The following FGF14 variants were observed in gnomAD, a reference collection of about 807,000 sequenced individuals.
FGF14 encodes fibroblast growth factor homologous factor 4.
In FGF14, 5 loss-of-function variants were observed where a neutral mutation model predicts 25.5. The observed-to-expected ratio is 0.20, with a 90% confidence interval of 0.10 to 0.41. FGF14 has a LOEUF of 0.41. FGF14 is among the 10% of genes least tolerant of loss of function. FGF14 has a pLI of 1.00. For synonymous variants in FGF14, 138 were observed against 118.3 expected (o/e 1.17, Z -1.08); for missense variants, 222 against 320.1 (o/e 0.69, Z 2.34).
At chr13:101,749,863 T>C (rs2037157784) in intron 3 of FGF14, among the ~76,000 whole-genome samples, 1 of 152,096 alleles carries the variant, frequency 6.6e-6, no homozygotes, top group African/African-American at 2.4e-5. Flanking sequence ...TGATCTGACA[T>C]GTTTGTGTCC....
chr13:101,838,500 G>C (rs1174233779), intron 3 of FGF14, among the ~76,000 whole-genome samples: 2 of 152,174 alleles, frequency 1.3e-5, no homozygotes, highest in Middle Eastern at 3.4e-3. Flanking sequence ...ATATTTGAAA[G>C]AGAATTGCTG....
intron 1 of FGF14, among the ~76,000 whole-genome samples, chr13:102,061,472 C>A (rs1451447998): frequency 1.3e-5 from 2 of 152,212 alleles, no homozygotes; most frequent in Admixed American, 1.3e-4. Flanking sequence ...AGGGAAAACT[C>A]CTCCCATTTC....
chr13:102,393,860 G>A (rs2058495750), intron 1 of FGF14: 1 of 152,168 alleles, frequency 6.6e-6, no homozygotes, highest in South Asian at 2.1e-4. Context: ...GTTTGTGATC[G>A]CTAAGGTCAA....
chr13:102,159,709 T>A (rs2047534675), intron 1 of FGF14, among the ~76,000 whole-genome samples: 1 of 152,216 alleles, frequency 6.6e-6, no homozygotes, highest in Non-Finnish European at 1.5e-5. Flanking sequence ...ACAGTAGAAT[T>A]TAACATGCAT....
rs145554812 is a variant in FGF14 at position 102,137,837 on chromosome 13, G to T, written c.209-262541C>A. On this transcript the variant is annotated intron_variant, in intron 1 of 4. Transcript: ENST00000376131. ...AAGGCTTTGTCTGAAAAGAATGATG[G>T]TCTCATTGCCAATCAATGAAAAGGA... Among the ~76,000 whole-genome samples the T allele has an allele frequency of 1.8e-3, 269 of 151,500 alleles. 1 individual carries two copies. Among genetic ancestry groups the T allele is most frequent in the Non-Finnish European group, 2.6e-3 (174 of 67,842 alleles).
chr13:102,274,255 A>G (rs1224209787), intron 1 of FGF14, among the ~76,000 whole-genome samples: 4 of 152,200 alleles, frequency 2.6e-5, no homozygotes, highest in African/African-American at 9.6e-5. Flanking sequence ...ACTTAATACA[A>G]TAACATCACT....
intron 1 of FGF14, among the ~76,000 whole-genome samples, chr13:101,976,300 A>G (rs903022802): frequency 6.6e-6 from 1 of 152,188 alleles, no homozygotes; most frequent in Non-Finnish European, 1.5e-5. Flanking sequence ...AATATATAAC[A>G]GTTACACTTA....
intron 1 of FGF14, among the ~76,000 whole-genome samples, chr13:102,220,626 G>C (rs550509291): frequency 1.3e-5 from 2 of 152,160 alleles, no homozygotes; most frequent in Non-Finnish European, 2.9e-5. Flanking sequence ...TCACGTTCTT[G>C]CTTTAAAATA....
At chr13:101,895,472 T>C (rs886883738) in intron 1 of FGF14, among the ~76,000 whole-genome samples, 1 of 152,118 alleles carries the variant, frequency 6.6e-6, no homozygotes, top group Non-Finnish European at 1.5e-5. Context: ...TTTTGCACAA[T>C]AAAAATACTT....
chr13:102,058,627 TG>T (rs1232466006), intron 1 of FGF14, among the ~76,000 whole-genome samples: 1 of 152,206 alleles, frequency 6.6e-6, no homozygotes, highest in Non-Finnish European at 1.5e-5. Flanking sequence ...TACCTCTTAG[TG>T]TGTCATCCCC....
chr13:101,834,584 A>G (rs550101623), intron 3 of FGF14, among the ~76,000 whole-genome samples: 17 of 152,162 alleles, frequency 1.1e-4, no homozygotes, highest in African/African-American at 4.1e-4. Flanking sequence ...CTAAAACAGG[A>G]TTTCAAAGGG....
rs1267215372 is a variant in FGF14, at chr13:101,875,292, G to C, written c.198C>G (p.Pro66=). 6 of 1,610,552 alleles carry C rather than the reference G, an allele frequency of 3.7e-6. No individual in the cohort carries two copies. Among genetic ancestry groups the C allele is most frequent in the Non-Finnish European group, 5.1e-6 (6 of 1,177,018 alleles). The change falls in exon 2 of 5, where the codon CCC becomes CCG. Residue 66 remains proline (P), a synonymous_variant. Transcript: ENST00000376143. ...ACCTGGTCACTATACCCTTGAGCTG[G>C]GGATCTGAAAGGCAAACATAGTTAT... ...LKKRRLRRQD[P]QLKGIVTRLY...
At chr13:102,124,770 T>G (rs917064556) in intron 1 of FGF14, among the ~76,000 whole-genome samples, 6 of 152,118 alleles carry the variant, frequency 3.9e-5, no homozygotes, top group African/African-American at 1.4e-4. Flanking sequence ...TTGAGCCTAT[T>G]TACTCTTGTT....
intron 1 of FGF14, among the ~76,000 whole-genome samples, chr13:101,903,592 G>T (rs1012300216): frequency 2.0e-5 from 3 of 152,056 alleles, no homozygotes; most frequent in African/African-American, 7.3e-5. Context: ...GAGAATTGTA[G>T]CTTTTATATG....
intron 1 of FGF14, among the ~76,000 whole-genome samples, chr13:102,090,900 A>T (rs1194012085): frequency 6.6e-6 from 1 of 152,244 alleles, no homozygotes; most frequent in Non-Finnish European, 1.5e-5. Flanking sequence ...CTAAAGTCTA[A>T]GTATATATTA....
intron 1 of FGF14, among the ~76,000 whole-genome samples, chr13:101,960,895 T>C (rs1294009446): frequency 6.6e-6 from 1 of 152,222 alleles, no homozygotes; most frequent in Non-Finnish European, 1.5e-5. Flanking sequence ...CTGACTGGAG[T>C]GAGATGGTAT....
intron 1 of FGF14, among the ~76,000 whole-genome samples, chr13:102,081,116 A>G (rs1200796629): frequency 6.6e-6 from 1 of 152,260 alleles, no homozygotes; most frequent in Non-Finnish European, 1.5e-5. Context: ...GTAAAAAAAC[A>G]AACCATAAAA....
At chr13:102,063,349 A>T (rs1236966510) in intron 1 of FGF14, among the ~76,000 whole-genome samples, 1 of 152,144 alleles carries the variant, frequency 6.6e-6, no homozygotes, top group African/African-American at 2.4e-5. Context: ...TAAATTGGTA[A>T]TGCCCCTGTA....
intron 1 of FGF14, among the ~76,000 whole-genome samples, chr13:102,352,617 T>C (rs9518710): frequency 0.26 from 38,949 of 151,668 alleles, 5,971 homozygotes; most frequent in South Asian, 0.37. Context: ...TCGAGACCAT[T>C]CTGGCTAACA....
Sources: allele counts gnomAD v4.1 joint callset (sites outside exome capture counted in the v4.1 genomes callset), GRCh38; gene constraint gnomAD v4.1.1; transcripts MANE v1.5; gene names NCBI Gene and HGNC (gene_info 2026-07-23, HGNC 2026-07-21).